Variants in C16orf74 observed in about 807,000 individuals in gnomAD.
The protein encoded by C16orf74 is calcimembrin.
In C16orf74, 10 loss-of-function variants were observed where a neutral mutation model predicts 6.5. The ratio of observed to expected loss-of-function variants is 1.54; its 90% CI spans 0.95 to 2.61. The LOEUF (loss-of-function observed/expected upper bound fraction) is 2.61. C16orf74 is among the 30% of genes most tolerant of loss of function. C16orf74 has a pLI of 0.00. For missense variants in C16orf74, 141 were observed against 105.9 expected (o/e 1.33, Z -1.45); for synonymous variants, 60 against 42.5 (o/e 1.41, Z -1.60).
At chr16:85,743,835 C>A (rs905233556) in intron 1 of C16orf74, among the ~76,000 whole-genome samples, 2 of 152,036 alleles carry the variant, frequency 1.3e-5, no homozygotes, top group African/African-American at 4.8e-5. Context: ...GGGCGGATCA[C>A]GAGATCAGGA....
intron 2 of C16orf74, 29 bp downstream of exon 2, chr16:85,735,161 G>A: frequency 1.3e-6 from 2 of 1,593,670 alleles, no homozygotes; most frequent in African/African-American, 2.7e-5. Flanking sequence ...TGCCATGAGA[G>A]CTGGTGGGGG....
intron 1 of C16orf74, among the ~76,000 whole-genome samples, chr16:85,746,638 TGAA>T (rs1367012070): frequency 6.6e-6 from 1 of 152,092 alleles, no homozygotes; most frequent in African/African-American, 2.4e-5. Flanking sequence ...AGGGCAGGGC[TGAA>T]GAAGAGTCAC....
chr16:85,724,048 C>T (rs2054108976), intron 2 of C16orf74, among the ~76,000 whole-genome samples: 2 of 152,116 alleles, frequency 1.3e-5, no homozygotes. Context: ...CTCTGTTGCC[C>T]AGGCTGGAAT....
chr16:85,749,443 C>CAAATTTTTAGT (rs1462404480), intron 1 of C16orf74, among the ~76,000 whole-genome samples: 7 of 152,022 alleles, frequency 4.6e-5, no homozygotes, highest in Non-Finnish European at 8.8e-5. Flanking sequence ...GCACCACACC[C>CAAATTTTTAGT]AGCTCATTAA....
chr16:85,710,307 C>T lies in C16orf74; in HGVS notation c.29G>A (p.Gly10Asp). 6.6e-7 allele frequency: 1 copy of T among 1,505,302 alleles called. No homozygotes were observed. Among genetic ancestry groups the T allele is most frequent in the African/African-American group, 1.4e-5 (1 of 69,204 alleles). 93.2% of individuals were successfully genotyped at this position (1,505,302 alleles called of 1,614,324 possible). Residue 10 changes from glycine (G) to aspartate (D), a missense_variant and splice_region_variant, in exon 3 of 4, where the codon GGC becomes GAC. Gly to Asp is a moderately conservative substitution (Grantham distance 94). Transcript: ENST00000284245. ...GCTGCTGCTGACACACATTTGAAAG[C>T]CTGAGAAGCCAGGCGTGGAGCACAC... MGLKMSCLK[G>D]FQMCVSSSSS...
chr16:85,748,201 C>A (rs897556793), intron 1 of C16orf74, among the ~76,000 whole-genome samples: 2 of 150,668 alleles, frequency 1.3e-5, no homozygotes, highest in African/African-American at 4.9e-5. Context: ...TTGGTTTCAT[C>A]TGGAAAGGTG....
intron 2 of C16orf74, among the ~76,000 whole-genome samples, chr16:85,719,947 G>T (rs775093219): frequency 6.6e-6 from 1 of 151,698 alleles, no homozygotes; most frequent in Non-Finnish European, 1.5e-5. Context: ...GGGGCTGAGC[G>T]GGGTGACACT....
chr16:85,726,285 C>A (rs971342401), intron 2 of C16orf74, among the ~76,000 whole-genome samples: 1 of 152,206 alleles, frequency 6.6e-6, no homozygotes. Context: ...CTGCTGCATC[C>A]CGAGGGCTGA....
chr16:85,720,438 G>T (rs1446654241), intron 2 of C16orf74, among the ~76,000 whole-genome samples: 1 of 152,132 alleles, frequency 6.6e-6, no homozygotes, highest in Non-Finnish European at 1.5e-5. Flanking sequence ...AGGCTGTGGA[G>T]GGTGTAGGTA....
In C16orf74 at chr16:85,710,225, G is replaced by C; in HGVS notation, c.111C>G (p.Asp37Glu). 6.7e-7 allele frequency: 1 copy of C among 1,502,402 alleles called. No homozygotes were observed. Among genetic ancestry groups the C allele is most frequent in the Non-Finnish European group, 8.8e-7 (1 of 1,137,854 alleles). The allele number at this position is 1,502,402 out of a possible 1,614,324, so 93.1% of individuals were successfully genotyped here. A position where few individuals can be genotyped will look rare whatever the true frequency, so the allele number is the denominator to read the frequency against. Residue 37 changes from aspartate to glutamate, a missense_variant, in exon 3 of 4, where the codon GAC (aspartate) becomes GAG (glutamate). Coordinates refer to ENST00000284245, the MANE Select transcript of C16orf74 (RefSeq NM_206967.3). ...VLNDKHLDVPDIIITPPTPTG... is the reference protein window; with the variant it reads ...VLNDKHLDVPEIIITPPTPTG... ...TGGGGGTGGGGGGCGTGATGATGAT[G>C]TCGGGCACGTCCAGGTGCTTGTCGT...
chr16:85,749,362 T>C (rs1273802734), intron 1 of C16orf74, among the ~76,000 whole-genome samples: 2 of 152,164 alleles, frequency 1.3e-5, no homozygotes, highest in Non-Finnish European at 1.5e-5. Context: ...CATAGCTCAC[T>C]GTAGCCTCAA....
intron 3 of C16orf74, among the ~76,000 whole-genome samples, chr16:85,709,495 G>GTTATTA (rs57478569): frequency 0.32 from 46,550 of 146,870 alleles, 8,234 homozygotes; most frequent in Non-Finnish European, 0.41. Context: ...CATCCCCAAT[G>GTTATTA]TTATTATTAT....
chr16:85,742,181 T>C (rs939986058), intron 1 of C16orf74, among the ~76,000 whole-genome samples: 18 of 152,168 alleles, frequency 1.2e-4, no homozygotes, highest in African/African-American at 4.3e-4. Context: ...GAGACCAGCC[T>C]GGCCAACATG....
intron 3 of C16orf74, among the ~76,000 whole-genome samples, chr16:85,709,715 C>G (rs868439365): frequency 6.6e-6 from 1 of 152,210 alleles, no homozygotes; most frequent in Non-Finnish European, 1.5e-5. Context: ...CCTCGCCGCT[C>G]CCAGCAGTGA....
intron 3 of C16orf74, among the ~76,000 whole-genome samples, chr16:85,708,772 C>A (rs2053938180): frequency 6.6e-6 from 1 of 152,228 alleles, no homozygotes; most frequent in African/African-American, 2.4e-5. Flanking sequence ...ACTCGCTCTG[C>A]TGGGCAAGTG....
chr16:85,730,841 C>A (rs1162112011), intron 2 of C16orf74, among the ~76,000 whole-genome samples: 2 of 128,704 alleles, frequency 1.6e-5, no homozygotes, highest in African/African-American at 5.9e-5. Flanking sequence ...CAAGACCAGA[C>A]AACAAAATCC....
chr16:85,742,081 G>C (rs1028505525), intron 1 of C16orf74, among the ~76,000 whole-genome samples: 6 of 152,132 alleles, frequency 3.9e-5, no homozygotes, highest in Non-Finnish European at 8.8e-5. Flanking sequence ...CTGTTAAAAA[G>C]AAGCCTGGTG....
intron 1 of C16orf74, among the ~76,000 whole-genome samples, chr16:85,750,291 G>A (rs1210984179): frequency 6.6e-6 from 1 of 152,182 alleles, no homozygotes; most frequent in Admixed American, 6.5e-5. Context: ...AGTCCCAGCC[G>A]CCCTCAGACC....
chr16:85,722,646 T>G (rs1280781352), intron 2 of C16orf74, among the ~76,000 whole-genome samples: 1 of 151,912 alleles, frequency 6.6e-6, no homozygotes, highest in Non-Finnish European at 1.5e-5. Flanking sequence ...ACCAGGACTT[T>G]CCTGGACTCC....
Sources: gnomAD v4.1 joint callset for allele counts (sites outside exome capture counted in the v4.1 genomes callset) on GRCh38, gnomAD v4.1.1 for gene constraint, MANE v1.5 for transcripts, NCBI Gene and HGNC (gene_info 2026-07-23, HGNC 2026-07-21) for gene names.